SDHB: variants seen among roughly 807,000 people sequenced by gnomAD.
SDHB encodes the protein succinate dehydrogenase complex iron sulfur subunit B, also known as succinate dehydrogenase [ubiquinone] iron-sulfur subunit, mitochondrial.
Under a neutral mutation model 39.7 loss-of-function variants are expected in SDHB, and 21 were observed. That is an observed-to-expected ratio of 0.53 (90% CI 0.37 to 0.76). SDHB has a LOEUF of 0.76. SDHB is among the 30% of genes least tolerant of loss of function. The pLI is 0.00. For synonymous variants in SDHB, 118 were observed against 117.0 expected (o/e 1.01, Z -0.06); for missense variants, 343 against 350.9 (o/e 0.98, Z 0.18).
At chr1:17,048,569 T>A (rs559181891) in intron 1 of SDHB, among the ~76,000 whole-genome samples, 1 of 152,180 alleles carries the variant, frequency 6.6e-6, no homozygotes, top group East Asian at 1.9e-4. Flanking sequence ...CTGACAAAAC[T>A]ATTTTCCAGA....
chr1:17,023,236 A>G (rs904708240), intron 6 of SDHB: 3 of 268,726 alleles, frequency 1.1e-5, no homozygotes, highest in South Asian at 4.1e-5. Flanking sequence ...AGTTAATCAC[A>G]TGACCATAGG....
chr1:17,022,978 C>T, intron 6 of SDHB: 1 of 453,382 alleles, frequency 2.2e-6, no homozygotes, highest in Admixed American at 3.3e-5. Flanking sequence ...TAATTATACA[C>T]ACTGGGTATC....
At chr1:17,032,799 C>G (rs4920390) in intron 3 of SDHB, 4 of 520,622 alleles carry the variant, frequency 7.7e-6, no homozygotes, top group African/African-American at 5.8e-5. Flanking sequence ...GGCCTTGAAG[C>G]GTGGAGCAGC....
intron 6 of SDHB, 76 bp downstream of exon 6, chr1:17,023,897 C>A: frequency 8.9e-7 from 1 of 1,124,188 alleles, no homozygotes; most frequent in Non-Finnish European, 1.4e-6. Flanking sequence ...GGCTGGCTTA[C>A]AGCAATCTAT....
intron 1 of SDHB, among the ~76,000 whole-genome samples, chr1:17,049,359 G>A (rs576904157): frequency 2.2e-4 from 34 of 151,738 alleles, no homozygotes; most frequent in Admixed American, 1.9e-3. Context: ...GTGCAGTGGC[G>A]CGATCTTGGA....
chr1:17,048,247 C>T (rs7545518), intron 1 of SDHB, among the ~76,000 whole-genome samples: 64,048 of 152,052 alleles, frequency 0.42, 15,138 homozygotes, highest in Non-Finnish European at 0.54. Flanking sequence ...TGGTATGTAG[C>T]CTTTTGGAAT....
rs897431201 is a variant in SDHB, at chr1:17,047,522, C to CA, written c.73-2635dup. Among the ~76,000 whole-genome samples the CA allele has an allele frequency of 6.6e-5, 10 of 150,748 alleles. No homozygotes were observed. The South Asian group carries it at 1.1e-3, about 16-fold the overall frequency. On this transcript the variant is annotated intron_variant, in intron 1 of 7. Coordinates refer to ENST00000375499, the MANE Select transcript of SDHB (RefSeq NM_003000.3). ...TGAAACCCCGTCCCTACTAAAAATACAAAAAAACGAATTAGCAGGGTGTGG... is the reference window on the plus strand; with the variant it reads ...TGAAACCCCGTCCCTACTAAAAATACAAAAAAAACGAATTAGCAGGGTGTGG...
intron 2 of SDHB, among the ~76,000 whole-genome samples, chr1:17,039,415 CA>C (rs34561776): frequency 1.6e-3 from 141 of 86,358 alleles, no homozygotes; most frequent in African/African-American, 5.6e-3. Flanking sequence ...CCTGTCTCTA[CA>C]AAAAAAAAAA....
intron 5 of SDHB, chr1:17,027,540 G>A: frequency 3.5e-6 from 2 of 576,920 alleles, no homozygotes; most frequent in South Asian, 3.7e-5. Flanking sequence ...GGGGCACAGG[G>A]CTCTAGCTCC....
chr1:17,029,091 C>CTTTTTTTT (rs1467687958), intron 3 of SDHB, among the ~76,000 whole-genome samples: 1 of 74,758 alleles, frequency 1.3e-5, no homozygotes, highest in East Asian at 9.6e-4. Flanking sequence ...AAAAATCAGC[C>CTTTTTTTT]TGTTTTTTTT....
intron 2 of SDHB, among the ~76,000 whole-genome samples, chr1:17,035,097 T>C (rs1411046050): frequency 2.0e-5 from 3 of 152,178 alleles, no homozygotes; most frequent in Non-Finnish European, 4.4e-5. Flanking sequence ...CTGTTGCCAT[T>C]TCTGCTTCCT....
At chr1:17,040,651 G>T (rs1425123201) in intron 2 of SDHB, among the ~76,000 whole-genome samples, 1 of 152,000 alleles carries the variant, frequency 6.6e-6, no homozygotes, top group Non-Finnish European at 1.5e-5. Context: ...TTTTAGTAGA[G>T]ACAAGGTCTC....
chr1:17,042,336 C>T (rs896609871), intron 2 of SDHB, among the ~76,000 whole-genome samples: 1 of 152,200 alleles, frequency 6.6e-6, no homozygotes, highest in Non-Finnish European at 1.5e-5. Context: ...TCTGCCCACT[C>T]GTGGTCCTTC....
intron 2 of SDHB, among the ~76,000 whole-genome samples, chr1:17,042,544 A>G (rs1447608772): frequency 6.6e-6 from 1 of 152,138 alleles, no homozygotes; most frequent in Non-Finnish European, 1.5e-5. Context: ...TTGGGAAGCT[A>G]AAATGGGTGG....
At chr1:17,049,462 T>A (rs941665613) in intron 1 of SDHB, among the ~76,000 whole-genome samples, 2 of 151,720 alleles carry the variant, frequency 1.3e-5, no homozygotes, top group African/African-American at 4.8e-5. Context: ...AAAGTCCAGC[T>A]AATTTTTGTA....
intron 1 of SDHB, among the ~76,000 whole-genome samples, chr1:17,048,836 G>C (rs1429967883): frequency 6.6e-6 from 1 of 151,592 alleles, no homozygotes; most frequent in Non-Finnish European, 1.5e-5. Flanking sequence ...TCAGCCTCCT[G>C]AGTAGCTGGG....
intron 7 of SDHB, among the ~76,000 whole-genome samples, chr1:17,019,272 G>GTCTC (rs1253006185): frequency 2.6e-5 from 4 of 152,198 alleles, no homozygotes; most frequent in African/African-American, 4.8e-5. Context: ...TCAGGGTAGT[G>GTCTC]TCTCTTCTAG....
chr1:17,029,518 G>A (rs540798187), intron 3 of SDHB, among the ~76,000 whole-genome samples: 1 of 151,506 alleles, frequency 6.6e-6, no homozygotes, highest in African/African-American at 2.4e-5. Context: ...TGCAACCTCC[G>A]CCTCCCCAGT....
At chr1:17,024,179 C>G (rs973018236) in intron 5 of SDHB, 105 bp from the exon 6 acceptor site, 2 of 771,588 alleles carry the variant, frequency 2.6e-6, no homozygotes, top group Non-Finnish European at 4.5e-6. Context: ...AACAAAGTGC[C>G]TACTTGCATG....
Sources: allele counts gnomAD v4.1 joint callset (sites outside exome capture counted in the v4.1 genomes callset), GRCh38; gene constraint gnomAD v4.1.1; transcripts MANE v1.5; gene names NCBI Gene and HGNC (gene_info 2026-07-23, HGNC 2026-07-21).